Variants in RIMKLB observed in about 807,000 individuals in gnomAD.
RIMKLB encodes ribosomal modification protein rimK like family member B.
In RIMKLB, 7 loss-of-function variants were observed where a neutral mutation model predicts 32.0. The observed-to-expected ratio is 0.22, with a 90% CI of 0.12 to 0.41. The LOEUF (loss-of-function observed/expected upper bound fraction) is 0.41. Among genes scored for constraint, RIMKLB ranks in the 10% least tolerant of loss-of-function variants. The pLI, the probability that RIMKLB is intolerant of heterozygous loss-of-function variation, is 1.00. For missense variants in RIMKLB, 289 were observed against 498.7 expected (o/e 0.58, Z 4.00); for synonymous variants, 172 against 185.1 (o/e 0.93, Z 0.57).
intron 4 of RIMKLB, among the ~76,000 whole-genome samples, chr12:8,752,518 C>A (rs1948696258): frequency 6.6e-6 from 1 of 152,112 alleles, no homozygotes; most frequent in African/African-American, 2.4e-5. Flanking sequence ...CACCACTGCA[C>A]TCCAACCTGG....
Position 8,776,021 on chromosome 12 carries a change from A to T in RIMKLB, c.*2237A>T. ...ATGAGGAAGAAAGAACTGCTTAATT[A>T]AATTATCATTCATATGTTCATATAG... On this transcript the variant is annotated 3_prime_UTR_variant, in exon 6 of 6. Coordinates refer to ENST00000535829, the MANE Select transcript of RIMKLB (RefSeq NM_001297776.2). 2.0e-6 allele frequency: 2 copies of T among 984,292 alleles called. No homozygotes were observed. The highest frequency in any genetic ancestry group is 3.5e-5 in the African/African-American group (2 of 57,346). The allele number at this position is 984,292 out of a possible 1,614,324, so 61.0% of individuals were successfully genotyped here.
At chr12:8,738,156 C>A (rs761680767) in intron 2 of RIMKLB, among the ~76,000 whole-genome samples, 1 of 152,290 alleles carries the variant, frequency 6.6e-6, no homozygotes, top group South Asian at 2.1e-4. Context: ...TGATCCCAAG[C>A]CGAGCCTCTT....
chr12:8,781,012 TAAATA>T (rs1224095048), downstream of RIMKLB, among the ~76,000 whole-genome samples: 1 of 152,194 alleles, frequency 6.6e-6, no homozygotes, highest in Non-Finnish European at 1.5e-5. Flanking sequence ...ATTTGCAAGA[TAAATA>T]AAATATGCAT....
downstream of RIMKLB, chr12:8,777,210 GCTTT>G (rs1449136211): frequency 6.5e-5 from 38 of 588,828 alleles, no homozygotes; most frequent in East Asian, 3.7e-4. Context: ...CTGCTTGCTT[GCTTT>G]CTTTTTTTTT....
chr12:8,725,235 C>T (rs939131292), intron 2 of RIMKLB, among the ~76,000 whole-genome samples: 1 of 152,036 alleles, frequency 6.6e-6, no homozygotes, highest in South Asian at 2.1e-4. Context: ...GTGCTAGTTA[C>T]AATTTTCTCT....
intron 2 of RIMKLB, among the ~76,000 whole-genome samples, chr12:8,717,221 G>A (rs1944950611): frequency 6.6e-6 from 1 of 151,992 alleles, no homozygotes; most frequent in African/African-American, 2.4e-5. Flanking sequence ...TTCTAAAATT[G>A]TGGCTATTTT....
At chr12:8,745,785 C>T (rs1049246340) in intron 2 of RIMKLB, among the ~76,000 whole-genome samples, 11 of 150,108 alleles carry the variant, frequency 7.3e-5, no homozygotes, top group Admixed American at 6.7e-4. Context: ...ACCTCTGCCT[C>T]GTAGGTACAA....
upstream of RIMKLB, among the ~76,000 whole-genome samples, chr12:8,678,179 T>A (rs754535514): frequency 5.7e-4 from 86 of 151,326 alleles, 1 homozygote; most frequent in South Asian, 4.0e-3. Context: ...TAATTAAAAA[T>A]TTTTTTTTAA....
chr12:8,765,209 TG>T (rs1277641227), intron 5 of RIMKLB, among the ~76,000 whole-genome samples: 3 of 152,078 alleles, frequency 2.0e-5, no homozygotes, highest in African/African-American at 7.2e-5. Flanking sequence ...TTCCTTTCCC[TG>T]TGTTATAGTG....
At chr12:8,732,126 G>A (rs116216967) in intron 2 of RIMKLB, among the ~76,000 whole-genome samples, 1,940 of 152,028 alleles carry the variant, frequency 0.013, 40 homozygotes, top group African/African-American at 0.045. Context: ...ACTGGAGCTT[G>A]AGACCCTGTT....
At chr12:8,738,674 A>T (rs113641617) in intron 2 of RIMKLB, among the ~76,000 whole-genome samples, 5,011 of 152,274 alleles carry the variant, frequency 0.033, 278 homozygotes, top group African/African-American at 0.11. Flanking sequence ...GAGTAGAGAG[A>T]AAAGTTGTAG....
chr12:8,671,131 G>T, the RIMKLB span, among the ~76,000 whole-genome samples: 6 of 152,220 alleles, frequency 3.9e-5, no homozygotes, highest in South Asian at 1.2e-3. Flanking sequence ...TGCCATGAAG[G>T]TCTCTGACAT....
chr12:8,701,613 T>C (rs1565551117), intron 1 of RIMKLB, among the ~76,000 whole-genome samples: 1 of 151,966 alleles, frequency 6.6e-6, no homozygotes, highest in East Asian at 1.9e-4. Flanking sequence ...ATCAGTTATA[T>C]GACCGTTATG....
At chr12:8,677,132 C>T (rs912198662), upstream of RIMKLB, among the ~76,000 whole-genome samples, 4 of 152,074 alleles carry the variant, frequency 2.6e-5, no homozygotes, top group East Asian at 1.9e-4. Context: ...TGTAGTTTTT[C>T]GTTTTCCACC....
chr12:8,777,043 G>C lies in RIMKLB; in HGVS notation c.*3259G>C. On this transcript the variant is annotated 3_prime_UTR_variant, in exon 6 of 6. Transcript: ENST00000535829. ...ATGGGCTATTTGGCTGGTGAGACAC[G>C]ATCCCCTCCTAAGAAAATGTAGGTG... is the stretch of plus-strand genomic sequence containing the variant. The C allele has an allele frequency of 3.0e-6, 3 of 985,564 alleles. No individual in the cohort carries two copies. The highest frequency in any genetic ancestry group is 3.6e-6 in the Non-Finnish European group (3 of 829,872). The allele number at this position is 985,564 out of a possible 1,614,324, so 61.1% of individuals were successfully genotyped here. A position where few individuals can be genotyped will look rare whatever the true frequency, so the allele number is the denominator to read the frequency against.
At chr12:8,754,257 CTTGAG>C (rs768740526) in intron 5 of RIMKLB, among the ~76,000 whole-genome samples, 164 bp downstream of exon 5, 75 of 152,200 alleles carry the variant, frequency 4.9e-4, no homozygotes, top group African/African-American at 1.7e-3. Flanking sequence ...TAATTAAACT[CTTGAG>C]TTATTTTTCT....
At position 8,776,342 on chromosome 12, in the gene RIMKLB, C is replaced by T. The variant is rs977737162; in HGVS notation, c.*2558C>T. The T allele has an allele frequency of 1.3e-5, 13 of 982,306 alleles. No individual in the cohort carries two copies. Among genetic ancestry groups the T allele is most frequent in the Non-Finnish European group, 1.5e-5 (12 of 827,292 alleles). The allele number at this position is 982,306 out of a possible 1,614,324, so 60.8% of individuals were successfully genotyped here. A position where few individuals can be genotyped will look rare whatever the true frequency, so the allele number is the denominator to read the frequency against. On this transcript the variant is annotated 3_prime_UTR_variant, in exon 6 of 6. Transcript: ENST00000535829. ...ACATGGATATCTTCTTGAATTCCTT[C>T]AAGATTGAGGTAGAGAATAAGAGCA... is the stretch of plus-strand genomic sequence containing the variant.
At chr12:8,767,038 G>A (rs926942426) in intron 5 of RIMKLB, among the ~76,000 whole-genome samples, 3 of 152,110 alleles carry the variant, frequency 2.0e-5, no homozygotes, top group East Asian at 3.9e-4. Flanking sequence ...GGAAGGCTAC[G>A]GAGTTGTCAG....
At chr12:8,672,858 G>A in the RIMKLB span, among the ~76,000 whole-genome samples, 6 of 152,284 alleles carry the variant, frequency 3.9e-5, no homozygotes, top group East Asian at 1.9e-4. Context: ...AGCAGATGCC[G>A]CTATGCTTCC....
Sources: gnomAD v4.1 joint callset for allele counts (sites outside exome capture counted in the v4.1 genomes callset) on GRCh38, gnomAD v4.1.1 for gene constraint, MANE v1.5 for transcripts, NCBI Gene and HGNC (gene_info 2026-07-23, HGNC 2026-07-21) for gene names.